The following CTNNA2 variants were observed in gnomAD, a reference collection of about 807,000 sequenced individuals.
CTNNA2 encodes the protein catenin alpha 2, also known as catenin alpha-2.
Under a neutral mutation model 101.0 loss-of-function variants are expected in CTNNA2, and 42 were observed. The observed-to-expected ratio is 0.42, with a 90% confidence interval of 0.32 to 0.54. The LOEUF (loss-of-function observed/expected upper bound fraction) is 0.54, where lower values mean the gene tolerates loss of function less well. CTNNA2 is among the 20% of genes least tolerant of loss of function. CTNNA2 has a pLI of 0.14. For missense variants in CTNNA2, 871 were observed against 1,223.1 expected (o/e 0.71, Z 4.29); for synonymous variants, 450 against 456.4 (o/e 0.99, Z 0.18).
intron 7 of CTNNA2, chr2:80,298,576 T>C (rs558564901): frequency 6.6e-6 from 1 of 152,322 alleles, no homozygotes; most frequent in Admixed American, 6.5e-5. Flanking sequence ...TGTACTTGCT[T>C]GGAAAACTTG....
intron 18 of CTNNA2, among the ~76,000 whole-genome samples, chr2:80,631,517 G>C (rs761046130): frequency 7.9e-5 from 12 of 151,990 alleles, no homozygotes; most frequent in Non-Finnish European, 1.6e-4. Context: ...CTCTTTGTTG[G>C]ACCAAAGAGA....
chr2:79,427,587 T>A (rs67176834), intron 4 of CTNNA2, among the ~76,000 whole-genome samples: 27,584 of 151,112 alleles, frequency 0.18, 2,604 homozygotes, highest in Middle Eastern at 0.3. Context: ...TGACCCTGAA[T>A]CTTCCAGTCT....
At position 80,331,658 on chromosome 2, in the gene CTNNA2, C is replaced by T. The variant is rs190654943; in HGVS notation, c.1057-61553C>T. 1.4e-4 allele frequency among the ~76,000 whole-genome samples: 22 copies of T among 152,218 alleles called. 1 individual carries two copies. Among genetic ancestry groups the T allele is most frequent in the Admixed American group, 2.6e-4 (4 of 15,290 alleles). On this transcript the variant is annotated intron_variant, in intron 7 of 18. Transcript: ENST00000402739. ...TCTCCCAGATAAAGGGTTATATTCC[C>T]GAGCAATGATGACCAACTACTTTTC...
chr2:79,561,989 T>A (rs910401763), intron 1 of CTNNA2, among the ~76,000 whole-genome samples: 3 of 151,978 alleles, frequency 2.0e-5, no homozygotes, highest in Non-Finnish European at 4.4e-5. Context: ...TGTTTTTATT[T>A]TGGTTTCTTG....
intron 4 of CTNNA2, among the ~76,000 whole-genome samples, chr2:79,400,257 A>G (rs556602162): frequency 1.2e-3 from 175 of 152,064 alleles, no homozygotes; most frequent in African/African-American, 3.9e-3. Context: ...TCCTTTGTCT[A>G]CAAGGAAATT....
intron 7 of CTNNA2, among the ~76,000 whole-genome samples, chr2:80,126,787 T>A (rs1702160271): frequency 6.6e-6 from 1 of 152,080 alleles, no homozygotes; most frequent in Non-Finnish European, 1.5e-5. Context: ...GCTGTCTGAT[T>A]TAATCTCAAC....
At chr2:79,286,802 G>A (rs986944783) in intron 2 of CTNNA2, among the ~76,000 whole-genome samples, 1 of 152,044 alleles carries the variant, frequency 6.6e-6, no homozygotes. Context: ...ATGTTGGCCT[G>A]CCTTGCTAGA....
At chr2:80,418,175 T>A (rs1229972686) in intron 8 of CTNNA2, among the ~76,000 whole-genome samples, 3 of 152,192 alleles carry the variant, frequency 2.0e-5, no homozygotes, top group Non-Finnish European at 4.4e-5. Flanking sequence ...TCAGACCTTC[T>A]TACCCTAGGC....
intron 18 of CTNNA2, among the ~76,000 whole-genome samples, chr2:80,626,368 C>T (rs181208949): frequency 3.4e-4 from 52 of 152,140 alleles, no homozygotes; most frequent in Non-Finnish European, 6.6e-4. Flanking sequence ...TCCACCTTTC[C>T]AATTTTCATG....
At chr2:80,130,582 T>C (rs1424732471) in intron 7 of CTNNA2, among the ~76,000 whole-genome samples, 1 of 152,128 alleles carries the variant, frequency 6.6e-6, no homozygotes, top group African/African-American at 2.4e-5. Context: ...CCTGTCAAAG[T>C]AGAGAAAGAT....
At chr2:79,480,095 G>A (rs1440718431) in intron 4 of CTNNA2, among the ~76,000 whole-genome samples, 8 of 152,082 alleles carry the variant, frequency 5.3e-5, no homozygotes, top group Non-Finnish European at 1.2e-4. Flanking sequence ...CATATGCAGA[G>A]GTCACCTGGG....
intron 2 of CTNNA2, among the ~76,000 whole-genome samples, chr2:79,213,662 G>T (rs1470411109): frequency 6.6e-6 from 1 of 152,172 alleles, no homozygotes; most frequent in African/African-American, 2.4e-5. Context: ...TGAATGTCAG[G>T]TGGATCAGAC....
At chr2:80,548,040 C>T (rs1438391371) in intron 11 of CTNNA2, among the ~76,000 whole-genome samples, 1 of 152,120 alleles carries the variant, frequency 6.6e-6, no homozygotes, top group African/African-American at 2.4e-5. Context: ...TAGCTGAGTC[C>T]TAATCTTGTA....
At chr2:80,382,549 G>A (rs1676613252) in intron 7 of CTNNA2, among the ~76,000 whole-genome samples, 1 of 152,192 alleles carries the variant, frequency 6.6e-6, no homozygotes, top group South Asian at 2.1e-4. Flanking sequence ...ATGGCTATAG[G>A]CACACAGAAG....
intron 3 of CTNNA2, among the ~76,000 whole-genome samples, chr2:79,319,472 C>T (rs1045030356): frequency 6.6e-6 from 1 of 152,100 alleles, no homozygotes; most frequent in Non-Finnish European, 1.5e-5. Context: ...CAGGCTAAAG[C>T]CACATTTTTA....
At chr2:79,406,953 C>T (rs1358895024) in intron 4 of CTNNA2, among the ~76,000 whole-genome samples, 1 of 151,986 alleles carries the variant, frequency 6.6e-6, no homozygotes, top group Non-Finnish European at 1.5e-5. Context: ...AGCAAGGTAA[C>T]CACTCTGAGC....
intron 7 of CTNNA2, among the ~76,000 whole-genome samples, chr2:80,347,075 C>T (rs938613890): frequency 3.9e-5 from 6 of 152,194 alleles, no homozygotes; most frequent in East Asian, 1.9e-4. Flanking sequence ...TCTTTGCTAT[C>T]TGTGGACTCA....
At chr2:79,910,742 G>C (rs1277190300) in intron 7 of CTNNA2, among the ~76,000 whole-genome samples, 1 of 152,102 alleles carries the variant, frequency 6.6e-6, no homozygotes, top group Admixed American at 6.5e-5. Flanking sequence ...GGTATTATTA[G>C]AACACCCCGA....
chr2:80,111,296 G>A (rs992583278), intron 7 of CTNNA2, among the ~76,000 whole-genome samples: 4 of 152,172 alleles, frequency 2.6e-5, no homozygotes, highest in Admixed American at 2.0e-4. Flanking sequence ...CATTTAAAAT[G>A]TTTAGGCAAT....
Sources: gnomAD v4.1 joint callset for allele counts (sites outside exome capture counted in the v4.1 genomes callset) on GRCh38, gnomAD v4.1.1 for gene constraint, MANE v1.5 for transcripts, NCBI Gene and HGNC (gene_info 2026-07-23, HGNC 2026-07-21) for gene names.